Variants in MLIP observed in about 807,000 individuals in gnomAD.
MLIP encodes muscular LMNA interacting protein, also known as muscular LMNA-interacting protein.
A neutral mutation model predicts 84.8 loss-of-function variants in MLIP; 79 were observed. The observed-to-expected ratio is 0.93, with a 90% CI of 0.78 to 1.12. MLIP has a LOEUF of 1.12. Among genes scored for constraint, MLIP ranks in the 50% most tolerant of loss-of-function variants. MLIP has a pLI of 0.00. For synonymous variants in MLIP, 504 were observed against 463.0 expected, an observed-to-expected ratio of 1.09 and a Z score of -1.14; for missense variants, 1,257 against 1,160.6, an observed-to-expected ratio of 1.08 and a Z score of -1.21.
At chr6:54,035,142 C>G (rs1443609002) in intron 1 of MLIP, among the ~76,000 whole-genome samples, 1 of 152,058 alleles carries the variant, frequency 6.6e-6, no homozygotes, top group Non-Finnish European at 1.5e-5. Context: ...TAAGTTTACT[C>G]CATGAGGTTT....
chr6:54,175,817 A>T (rs1167468079), intron 9 of MLIP, among the ~76,000 whole-genome samples: 1 of 152,044 alleles, frequency 6.6e-6, no homozygotes, highest in East Asian at 1.9e-4. Flanking sequence ...TCCAGATCTT[A>T]AAAGAAAAGC....
At chr6:54,090,748 A>G (rs1219634356) in intron 1 of MLIP, among the ~76,000 whole-genome samples, 1 of 151,914 alleles carries the variant, frequency 6.6e-6, no homozygotes, top group Admixed American at 6.6e-5. Context: ...GGATTTTGGC[A>G]TGCATAATTT....
intron 11 of MLIP, 59 bp downstream of exon 11, chr6:54,202,292 A>T: frequency 2.2e-6 from 1 of 451,670 alleles, no homozygotes; most frequent in Non-Finnish European, 2.8e-6. Context: ...TATATAAAAT[A>T]TATATAAATA....
intron 10 of MLIP, among the ~76,000 whole-genome samples, chr6:54,197,549 A>T (rs182758706): frequency 1.5e-4 from 23 of 152,116 alleles, no homozygotes; most frequent in Admixed American, 1.0e-3. Flanking sequence ...TCATGAATTG[A>T]TATTTTCGAT....
chr6:54,195,667 T>A (rs1778241322), intron 10 of MLIP, among the ~76,000 whole-genome samples: 1 of 152,058 alleles, frequency 6.6e-6, no homozygotes, highest in Non-Finnish European at 1.5e-5. Context: ...TAAACACAAA[T>A]CAATAGCAGG....
intron 9 of MLIP, among the ~76,000 whole-genome samples, chr6:54,185,256 T>A (rs1259221648): frequency 6.6e-6 from 1 of 152,214 alleles, no homozygotes; most frequent in Non-Finnish European, 1.5e-5. Flanking sequence ...TGATAAAACA[T>A]ATAAGTCACT....
intron 1 of MLIP, among the ~76,000 whole-genome samples, chr6:54,024,454 T>G (rs1253022970): frequency 6.6e-6 from 1 of 152,224 alleles, no homozygotes; most frequent in Non-Finnish European, 1.5e-5. Flanking sequence ...GGTCTGGGTG[T>G]TGTTGGTGAG....
At chr6:54,052,065 G>A (rs751584618) in intron 1 of MLIP, among the ~76,000 whole-genome samples, 16 of 152,108 alleles carry the variant, frequency 1.1e-4, no homozygotes, top group Admixed American at 5.9e-4. Flanking sequence ...ACTTCTCTGT[G>A]TTGGCCTCAC....
intron 12 of MLIP, among the ~76,000 whole-genome samples, chr6:54,247,594 G>T (rs1004449545): frequency 5.3e-5 from 8 of 152,182 alleles, no homozygotes; most frequent in African/African-American, 1.9e-4. Context: ...GTCAGAAAAA[G>T]CTTACACAAC....
At chr6:54,190,471 A>C (rs1648372940) in intron 10 of MLIP, among the ~76,000 whole-genome samples, 1 of 152,176 alleles carries the variant, frequency 6.6e-6, no homozygotes, top group African/African-American at 2.4e-5. Context: ...ATTTTATTTA[A>C]TGTTATATAA....
At chr6:54,110,205 G>T (rs1424253932), upstream of MLIP, among the ~76,000 whole-genome samples, 1 of 151,710 alleles carries the variant, frequency 6.6e-6, no homozygotes, top group Admixed American at 6.6e-5. Context: ...GAATGGTCTC[G>T]ATCTCCTGAC....
At chr6:54,057,748 T>A (rs1273124634) in intron 1 of MLIP, among the ~76,000 whole-genome samples, 1 of 152,306 alleles carries the variant, frequency 6.6e-6, no homozygotes, top group East Asian at 1.9e-4. Flanking sequence ...TTGGATTAAT[T>A]TTTTTTCTGA....
intron 1 of MLIP, among the ~76,000 whole-genome samples, chr6:54,022,765 A>G (rs1763567209): frequency 6.6e-6 from 1 of 152,222 alleles, no homozygotes; most frequent in Admixed American, 6.5e-5. Context: ...AGAGATTATA[A>G]GAAGAAACAG....
intron 13 of MLIP, among the ~76,000 whole-genome samples, chr6:54,257,786 C>A (rs2150895542): frequency 6.6e-6 from 1 of 152,170 alleles, no homozygotes; most frequent in African/African-American, 2.4e-5. Flanking sequence ...GTGCTAGGCT[C>A]ACTGAGCACC....
intron 9 of MLIP, among the ~76,000 whole-genome samples, chr6:54,171,520 G>A (rs921278640): frequency 1.3e-5 from 2 of 151,412 alleles, no homozygotes; most frequent in Non-Finnish European, 1.5e-5. Flanking sequence ...GCCAACTCTC[G>A]GGTTAGTCAT....
chr6:54,064,583 GAGGAAAAA>G (rs1766154003), intron 1 of MLIP, among the ~76,000 whole-genome samples: 1 of 99,734 alleles, frequency 1.0e-5, no homozygotes, highest in African/African-American at 2.6e-5. Context: ...GGAAATTTAT[GAGGAAAAA>G]TAAGAGTCAG....
chr6:54,115,883 T>C (rs928386614), intron 1 of MLIP, among the ~76,000 whole-genome samples: 1 of 152,098 alleles, frequency 6.6e-6, no homozygotes, highest in Non-Finnish European at 1.5e-5. Flanking sequence ...TGAAATAGAG[T>C]CCTTCAGAGA....
intron 11 of MLIP, chr6:54,216,903 TTAGA>T (rs1779891365): frequency 1.0e-6 from 1 of 985,352 alleles, no homozygotes; most frequent in Non-Finnish European, 1.2e-6. Context: ...GTTGGTGTCT[TTAGA>T]TAAAGGGGTC....
intron 11 of MLIP, among the ~76,000 whole-genome samples, chr6:54,226,636 TAAAA>T (rs1780591144): frequency 1.5e-5 from 2 of 136,862 alleles, no homozygotes; most frequent in East Asian, 4.2e-4. Flanking sequence ...AAACAGGAAA[TAAAA>T]CAAACAAACA....
Sources: gnomAD v4.1 joint callset for allele counts (sites outside exome capture counted in the v4.1 genomes callset) on GRCh38, gnomAD v4.1.1 for gene constraint, MANE v1.5 for transcripts, NCBI Gene and HGNC (gene_info 2026-07-23, HGNC 2026-07-21) for gene names.